The following CTNNA3 variants were observed in gnomAD, a reference collection of about 807,000 sequenced individuals.
CTNNA3 encodes catenin alpha 3, also known as catenin alpha-3.
A neutral mutation model predicts 95.7 loss-of-function variants in CTNNA3; 76 were observed. That is an observed-to-expected ratio of 0.79 (90% CI 0.66 to 0.96). The LOEUF (loss-of-function observed/expected upper bound fraction) is 0.96. Among genes scored for constraint, CTNNA3 ranks in the 40% least tolerant of loss-of-function variants. The pLI, the probability that CTNNA3 is intolerant of heterozygous loss-of-function variation, is 0.00. For synonymous variants in CTNNA3, 431 were observed against 374.4 expected (o/e 1.15, Z -1.74); for missense variants, 1,191 against 1,089.8 (o/e 1.09, Z -1.31).
chr10:66,971,843 T>G (rs1849741133), intron 7 of CTNNA3, among the ~76,000 whole-genome samples: 1 of 152,180 alleles, frequency 6.6e-6, no homozygotes, highest in Admixed American at 6.5e-5. Context: ...TTCTTCTCTT[T>G]AATATTTCTC....
chr10:66,472,230 T>C lies in CTNNA3; in HGVS notation c.1531+48387A>G, dbSNP rs549580277. On this transcript the variant is annotated intron_variant, in intron 11 of 17. Transcript: ENST00000433211. ...ACAAAGTAGAATGAATTTAGATTTT[T>C]TTTTTTAGGAGAGAAAAGTGTGATT... Among the ~76,000 whole-genome samples, 72 of 152,104 alleles carry C rather than the reference T, an allele frequency of 4.7e-4. 1 individual carries two copies. The highest frequency in any genetic ancestry group is 9.3e-4 in the Non-Finnish European group (63 of 67,932).
chr10:66,365,782 C>T (rs891754604), intron 12 of CTNNA3, among the ~76,000 whole-genome samples: 10 of 151,904 alleles, frequency 6.6e-5, no homozygotes, highest in Non-Finnish European at 1.5e-4. Context: ...CTCTCTCTCT[C>T]ATCTGGATCA....
chr10:67,158,838 CAA>C (rs983001089), intron 7 of CTNNA3, among the ~76,000 whole-genome samples: 4 of 135,474 alleles, frequency 3.0e-5, no homozygotes, highest in Non-Finnish European at 3.2e-5. Context: ...CAATCTATTA[CAA>C]AAAAAAAAAG....
At chr10:67,255,899 C>A (rs1439084261) in intron 5 of CTNNA3, among the ~76,000 whole-genome samples, 9 of 152,106 alleles carry the variant, frequency 5.9e-5, no homozygotes, top group Non-Finnish European at 1.0e-4. Flanking sequence ...AAACACTCTT[C>A]TAATTCTTGC....
At chr10:67,590,502 T>C (rs550626404) in intron 3 of CTNNA3, among the ~76,000 whole-genome samples, 2 of 152,200 alleles carry the variant, frequency 1.3e-5, no homozygotes, top group Admixed American at 6.5e-5. Flanking sequence ...GTTGTACCAA[T>C]TTACATTCCC....
At chr10:67,691,730 G>A (rs1487785445) in intron 1 of CTNNA3, among the ~76,000 whole-genome samples, 82 of 151,466 alleles carry the variant, frequency 5.4e-4, no homozygotes, top group African/African-American at 1.0e-3. Context: ...GAGTGTCTCC[G>A]CCCGGCAGCC....
intron 11 of CTNNA3, among the ~76,000 whole-genome samples, chr10:66,459,451 T>A (rs2093514338): frequency 6.6e-6 from 1 of 152,194 alleles, no homozygotes; most frequent in South Asian, 2.1e-4. Context: ...TAATCTATGA[T>A]GCTTTTTACA....
At chr10:67,643,644 C>A (rs1015881955) in intron 2 of CTNNA3, among the ~76,000 whole-genome samples, 4 of 151,686 alleles carry the variant, frequency 2.6e-5, no homozygotes, top group Admixed American at 1.3e-4. Flanking sequence ...ATCAACCCAT[C>A]ATCTACATTA....
intron 3 of CTNNA3, among the ~76,000 whole-genome samples, chr10:67,577,189 A>T (rs534852316): frequency 6.6e-6 from 1 of 151,458 alleles, no homozygotes; most frequent in Non-Finnish European, 1.5e-5. Flanking sequence ...AATTGTTCCT[A>T]TTTCTCCACA....
intron 5 of CTNNA3, among the ~76,000 whole-genome samples, chr10:67,342,304 T>C (rs910958718): frequency 4.6e-5 from 7 of 151,902 alleles, no homozygotes; most frequent in Non-Finnish European, 1.0e-4. Flanking sequence ...GGTTTCACCG[T>C]GTTAAGCCAG....
intron 5 of CTNNA3, among the ~76,000 whole-genome samples, chr10:67,462,275 A>G (rs1847406766): frequency 6.6e-6 from 1 of 152,208 alleles, no homozygotes; most frequent in South Asian, 2.1e-4. Context: ...CCTCTTCCAC[A>G]GCAGGAGATG....
chr10:67,377,131 T>A (rs1212047422), intron 5 of CTNNA3, among the ~76,000 whole-genome samples: 3 of 152,216 alleles, frequency 2.0e-5, no homozygotes, highest in African/African-American at 7.2e-5. Flanking sequence ...TTCTGTTTGG[T>A]ACAGTAACAA....
At chr10:67,185,357 AC>A (rs1389144352) in intron 6 of CTNNA3, among the ~76,000 whole-genome samples, 6 of 151,940 alleles carry the variant, frequency 3.9e-5, no homozygotes, top group African/African-American at 1.5e-4. Context: ...CGATCTCTTG[AC>A]CACATGATCC....
chr10:66,531,196 G>A lies in CTNNA3; in HGVS notation c.1375-10423C>T, dbSNP rs189080014. Reference sequence around the variant, plus strand: ...GATGATAAAACAAAATCACCAATACGTAGGGTTTGTAGACTAATAAAAATA... The same window carrying A: ...GATGATAAAACAAAATCACCAATACATAGGGTTTGTAGACTAATAAAAATA... On this transcript the variant is annotated intron_variant, in intron 10 of 17. Transcript: ENST00000433211. 2.4e-4 allele frequency among the ~76,000 whole-genome samples: 37 copies of A among 152,194 alleles called. No individual in the cohort carries two copies. The East Asian group carries it at 3.3e-3, about 13-fold the overall frequency.
At chr10:66,239,358 T>A (rs2090003621) in intron 13 of CTNNA3, among the ~76,000 whole-genome samples, 1 of 151,938 alleles carries the variant, frequency 6.6e-6, no homozygotes, top group Admixed American at 6.6e-5. Context: ...TGAAAAAAGC[T>A]AAGGTATGAT....
chr10:67,455,581 G>C (rs1202299309), intron 5 of CTNNA3, among the ~76,000 whole-genome samples: 2 of 152,156 alleles, frequency 1.3e-5, no homozygotes, highest in African/African-American at 2.4e-5. Flanking sequence ...TCATTGATAA[G>C]TCATGTCAAT....
At chr10:65,929,355 A>T (rs1049326757) in intron 17 of CTNNA3, among the ~76,000 whole-genome samples, 1 of 152,180 alleles carries the variant, frequency 6.6e-6, no homozygotes, top group African/African-American at 2.4e-5. Context: ...TTTATAGTCG[A>T]CAACCTGTGT....
intron 7 of CTNNA3, among the ~76,000 whole-genome samples, chr10:66,989,789 T>C (rs1850939725): frequency 6.6e-6 from 1 of 152,186 alleles, no homozygotes; most frequent in South Asian, 2.1e-4. Flanking sequence ...ACTTGGCTGC[T>C]GGTCTGAGCT....
chr10:66,828,544 C>T (rs1027962568), intron 7 of CTNNA3, among the ~76,000 whole-genome samples: 7 of 152,128 alleles, frequency 4.6e-5, no homozygotes, highest in South Asian at 2.1e-4. Flanking sequence ...TTGCTTGCCA[C>T]GTGGTTATTA....
Sources: allele counts gnomAD v4.1 joint callset (sites outside exome capture counted in the v4.1 genomes callset), GRCh38; gene constraint gnomAD v4.1.1; transcripts MANE v1.5; gene names NCBI Gene and HGNC (gene_info 2026-07-23, HGNC 2026-07-21).